Variants in ZNRF1 observed in about 807,000 individuals in gnomAD.
ZNRF1 encodes E3 ubiquitin-protein ligase ZNRF1.
Under a neutral mutation model 18.4 loss-of-function variants are expected in ZNRF1, and 3 were observed. That is an observed-to-expected ratio of 0.16 (90% CI 0.07 to 0.42). ZNRF1 has a LOEUF of 0.42. Among genes scored for constraint, ZNRF1 ranks in the 10% least tolerant of loss-of-function variants. The pLI is 0.99. For missense variants in ZNRF1, 310 were observed against 329.8 expected (o/e 0.94, Z 0.47); for synonymous variants, 157 against 144.2 (o/e 1.09, Z -0.64).
intron 4 of ZNRF1, chr16:75,107,238 C>G (rs2036328007): frequency 5.4e-6 from 1 of 185,322 alleles, no homozygotes; most frequent in Non-Finnish European, 1.1e-5. Context: ...AACCATCCAC[C>G]CCTGACCCCC....
At chr16:75,020,797 C>G (rs1226045554) in intron 1 of ZNRF1, among the ~76,000 whole-genome samples, 3 of 152,190 alleles carry the variant, frequency 2.0e-5, no homozygotes, top group Non-Finnish European at 4.4e-5. Context: ...TGCCCTCGGC[C>G]TCCCAAAGTG....
chr16:75,029,620 T>C (rs2035273437), intron 1 of ZNRF1, among the ~76,000 whole-genome samples: 2 of 146,578 alleles, frequency 1.4e-5, no homozygotes, highest in South Asian at 4.3e-4. Context: ...AATACAAAAA[T>C]TAGTCATGCA....
chr16:75,063,570 T>G (rs988948072), intron 1 of ZNRF1, among the ~76,000 whole-genome samples: 5 of 152,206 alleles, frequency 3.3e-5, no homozygotes, highest in Admixed American at 3.3e-4. Flanking sequence ...AATTTTAGCC[T>G]AAAGACCTTG....
At chr16:75,007,010 G>A (rs1382907362) in intron 1 of ZNRF1, among the ~76,000 whole-genome samples, 1 of 151,746 alleles carries the variant, frequency 6.6e-6, no homozygotes, top group Non-Finnish European at 1.5e-5. Flanking sequence ...TGAATAACCT[G>A]AAGACCAGCC....
chr16:75,080,878 A>C (rs925166720), intron 1 of ZNRF1, among the ~76,000 whole-genome samples: 1 of 151,844 alleles, frequency 6.6e-6, no homozygotes, highest in African/African-American at 2.4e-5. Flanking sequence ...TGTCTCTTAA[A>C]AAATAAAAAT....
At chr16:75,080,790 C>T (rs922939965) in intron 1 of ZNRF1, among the ~76,000 whole-genome samples, 1 of 152,082 alleles carries the variant, frequency 6.6e-6, no homozygotes, top group African/African-American at 2.4e-5. Context: ...AGGAGGATTG[C>T]TTGAGCCTGG....
chr16:75,067,342 G>GA, intron 1 of ZNRF1, among the ~76,000 whole-genome samples: 1 of 152,206 alleles, frequency 6.6e-6, no homozygotes. Flanking sequence ...AGGTACAAGA[G>GA]AACATAGACC....
intron 1 of ZNRF1, among the ~76,000 whole-genome samples, chr16:75,076,375 CTG>C (rs1478110930): frequency 6.6e-6 from 1 of 152,056 alleles, no homozygotes; most frequent in African/African-American, 2.4e-5. Context: ...GGTCAAGAGC[CTG>C]TGTGTGGGAC....
intron 2 of ZNRF1, chr16:75,103,951 C>T (rs1876692678): frequency 6.6e-6 from 1 of 152,126 alleles, no homozygotes; most frequent in Non-Finnish European, 1.5e-5. Context: ...TGCCACTGCA[C>T]TCCAGTCTGG....
intron 1 of ZNRF1, among the ~76,000 whole-genome samples, chr16:75,085,239 C>T (rs954271347): frequency 1.3e-5 from 2 of 152,172 alleles, no homozygotes; most frequent in Non-Finnish European, 2.9e-5. Flanking sequence ...GTTCTGATTT[C>T]TTCCACAGTA....
intron 1 of ZNRF1, chr16:75,002,454 G>A (rs1227525936): frequency 6.6e-6 from 1 of 152,244 alleles, no homozygotes; most frequent in Non-Finnish European, 1.5e-5. Flanking sequence ...ATGCCTGGAA[G>A]TTGATATGAT....
intron 1 of ZNRF1, among the ~76,000 whole-genome samples, chr16:75,067,772 G>A (rs1321711651): frequency 6.6e-6 from 1 of 152,112 alleles, no homozygotes; most frequent in Non-Finnish European, 1.5e-5. Flanking sequence ...AACATTAACT[G>A]GATCTGCACA....
Position 75,009,839 on chromosome 16 carries a change from G to A in ZNRF1, c.424+9744G>A, listed in dbSNP as rs930242299. Among the ~76,000 whole-genome samples the A allele has an allele frequency of 8.0e-4, 121 of 151,742 alleles. 1 individual carries two copies. Among genetic ancestry groups the A allele is most frequent in the African/African-American group, 2.7e-3 (113 of 41,304 alleles). ...TTTTTTAATAGTAGCCATCTTAATG[G>A]ATGTGAGGTAGTATCCCATAGTATT... On this transcript the variant is annotated intron_variant, in intron 1 of 4. Transcript: ENST00000335325.
chr16:75,060,734 T>A (rs1293746653), intron 1 of ZNRF1, among the ~76,000 whole-genome samples: 1 of 152,120 alleles, frequency 6.6e-6, no homozygotes, highest in East Asian at 1.9e-4. Flanking sequence ...TGCCTCGGCC[T>A]CCCAAAGTGC....
chr16:75,029,596 A>G (rs1047853015), intron 1 of ZNRF1, among the ~76,000 whole-genome samples: 4 of 33,684 alleles, frequency 1.2e-4, no homozygotes, highest in African/African-American at 2.4e-4. Flanking sequence ...GTGAAAACCC[A>G]TCTCTACAAA....
intron 1 of ZNRF1, among the ~76,000 whole-genome samples, chr16:75,087,663 G>C (rs2036089636): frequency 6.6e-6 from 1 of 152,216 alleles, no homozygotes; most frequent in South Asian, 2.1e-4. Flanking sequence ...TCCCCACAAT[G>C]CTCTGTCATT....
intron 1 of ZNRF1, among the ~76,000 whole-genome samples, chr16:75,039,291 A>G (rs765142391): frequency 6.6e-6 from 1 of 151,896 alleles, no homozygotes; most frequent in South Asian, 2.1e-4. Context: ...TTTTTTTTTA[A>G]TGTGGAAGCA....
chr16:75,035,249 G>C (rs1044797293), intron 1 of ZNRF1, among the ~76,000 whole-genome samples: 1 of 151,992 alleles, frequency 6.6e-6, no homozygotes, highest in East Asian at 1.9e-4. Flanking sequence ...GCCTGGGCTG[G>C]TCTCCAACTC....
intron 2 of ZNRF1, among the ~76,000 whole-genome samples, chr16:75,093,880 C>T (rs1240847908): frequency 6.6e-6 from 1 of 152,168 alleles, no homozygotes; most frequent in Non-Finnish European, 1.5e-5. Context: ...AAGGAAGGCC[C>T]AGGGGTCAGG....
Sources: allele counts gnomAD v4.1 joint callset (sites outside exome capture counted in the v4.1 genomes callset), GRCh38; gene constraint gnomAD v4.1.1; transcripts MANE v1.5; gene names NCBI Gene and HGNC (gene_info 2026-07-23, HGNC 2026-07-21).